ADCY9: variants seen among roughly 807,000 people sequenced by gnomAD.
ADCY9 encodes the protein adenylate cyclase type 9.
In ADCY9, 50 loss-of-function variants were observed where a neutral mutation model predicts 101.5. That is an observed-to-expected ratio of 0.49 (90% CI 0.39 to 0.62). The LOEUF (loss-of-function observed/expected upper bound fraction) is 0.62. Among genes scored for constraint, ADCY9 ranks in the 20% least tolerant of loss-of-function variants. The pLI is 0.00. For synonymous variants in ADCY9, 905 were observed against 769.3 expected, an observed-to-expected ratio of 1.18 and a Z score of -2.92; for missense variants, 1,662 against 1,800.4, an observed-to-expected ratio of 0.92 and a Z score of 1.39.
At chr16:3,995,803 C>T (rs570569900) in intron 3 of ADCY9, among the ~76,000 whole-genome samples, 1 of 152,072 alleles carries the variant, frequency 6.6e-6, no homozygotes, top group Admixed American at 6.6e-5. Context: ...AAAGATTCTA[C>T]AGGGTTGTAT....
chr16:4,026,855 C>T (rs2056519133), intron 2 of ADCY9, among the ~76,000 whole-genome samples: 1 of 152,162 alleles, frequency 6.6e-6, no homozygotes, highest in African/African-American at 2.4e-5. Flanking sequence ...GAACTTAAGG[C>T]CGATTCACCC....
At chr16:3,978,620 G>C (rs12922685) in intron 8 of ADCY9, among the ~76,000 whole-genome samples, 21,643 of 152,312 alleles carry the variant, frequency 0.14, 1,888 homozygotes, top group South Asian at 0.41. Flanking sequence ...CACTGCCCGG[G>C]CGTGAGCATC....
Position 3,992,172 on chromosome 16 carries a change from G to A in ADCY9, c.2181C>T (p.His727=). 6.2e-7 allele frequency: 1 copy of A among 1,614,208 alleles called. No individual in the cohort carries two copies. Among genetic ancestry groups the A allele is most frequent in the South Asian group, 1.1e-5 (1 of 91,086 alleles). Reference sequence around the variant, plus strand: ...TGTCTTCTTTGATAACGTCCACAAAGTGGGCGTCCGTTTTCTCCCGGATGT... The same window carrying A: ...TGTCTTCTTTGATAACGTCCACAAAATGGGCGTCCGTTTTCTCCCGGATGT... ...FKNIREKTDA[H]FVDVIKEDSL... Residue 727 remains histidine, a synonymous_variant, in exon 5 of 11, where the codon CAC becomes CAT. Transcript: ENST00000294016. The surrounding 1 kb of genome is among the most constrained non-coding windows in gnomAD (Gnocchi z 4.2).
Position 4,115,852 on chromosome 16 carries a change from A to C in ADCY9, c.-206T>G. The C allele has an allele frequency of 2.5e-6, 1 of 397,898 alleles. No homozygotes were observed. 24.6% of individuals were successfully genotyped at this position (397,898 alleles called of 1,614,324 possible). On this transcript the variant is annotated 5_prime_UTR_variant, in exon 1 of 11. Coordinates refer to ENST00000294016, the MANE Select transcript of ADCY9 (RefSeq NM_001116.4). The surrounding 1 kb of genome is among the most constrained non-coding windows in gnomAD (Gnocchi z 6.2). ...GCTGCGGCTCCGGAGGGAAGTTCAG[A>C]CCTTGAGCGCTCCCAGCCCCGCGAG...
At chr16:4,086,444 C>T (rs1567142563) in intron 2 of ADCY9, among the ~76,000 whole-genome samples, 1 of 152,052 alleles carries the variant, frequency 6.6e-6, no homozygotes, top group South Asian at 2.1e-4. Flanking sequence ...ACGCTCCGCT[C>T]TGATGACACG....
At chr16:4,039,813 C>T (rs1464465357) in intron 2 of ADCY9, among the ~76,000 whole-genome samples, 3 of 151,898 alleles carry the variant, frequency 2.0e-5, no homozygotes, top group Admixed American at 1.3e-4. Context: ...TCGAGGCAGG[C>T]GGATCGTTTG....
At chr16:4,103,205 C>A (rs8045426) in intron 2 of ADCY9, among the ~76,000 whole-genome samples, 2 of 152,156 alleles carry the variant, frequency 1.3e-5, no homozygotes, top group African/African-American at 2.4e-5. Context: ...CATGAGAATG[C>A]GTGTTTGGGT....
intron 10 of ADCY9, among the ~76,000 whole-genome samples, chr16:3,967,530 C>T (rs957636834): frequency 6.6e-5 from 10 of 151,408 alleles, no homozygotes; most frequent in African/African-American, 2.4e-4. Context: ...GCTGGGATTA[C>T]ACGCATGTAC....
chr16:3,975,861 G>A (rs989787000), intron 9 of ADCY9, among the ~76,000 whole-genome samples: 2 of 152,172 alleles, frequency 1.3e-5, no homozygotes, highest in African/African-American at 4.8e-5. Flanking sequence ...CGAAATATTT[G>A]AATAAATTGT....
intron 5 of ADCY9, among the ~76,000 whole-genome samples, chr16:3,954,214 C>A (rs545923758): frequency 1.3e-5 from 2 of 152,154 alleles, no homozygotes; most frequent in Non-Finnish European, 2.9e-5. Flanking sequence ...CTGAGCTGGC[C>A]GGGGCAGGCT....
At chr16:4,087,857 TTG>T (rs1482027437) in intron 2 of ADCY9, among the ~76,000 whole-genome samples, 2 of 151,394 alleles carry the variant, frequency 1.3e-5, no homozygotes, top group African/African-American at 4.9e-5. Context: ...TCTCTTTTCT[TTG>T]TTTCTCTTTG....
chr16:3,980,544 T>C (rs2056132446), intron 7 of ADCY9, among the ~76,000 whole-genome samples: 1 of 152,160 alleles, frequency 6.6e-6, no homozygotes, highest in African/African-American at 2.4e-5. Flanking sequence ...AAAAAGCCTC[T>C]GGCACAGAGC....
intron 2 of ADCY9, among the ~76,000 whole-genome samples, chr16:4,042,055 C>T (rs963627075): frequency 6.6e-6 from 1 of 151,266 alleles, no homozygotes; most frequent in Admixed American, 6.6e-5. Flanking sequence ...TCCTGAGTAG[C>T]TGGGACTACA....
intron 2 of ADCY9, among the ~76,000 whole-genome samples, chr16:4,113,172 T>TA (rs111589177): frequency 7.7e-4 from 114 of 147,100 alleles, no homozygotes; most frequent in Middle Eastern, 6.8e-3. Context: ...AAACTTTTTT[T>TA]AAAAAAAAAA....
intron 10 of ADCY9, among the ~76,000 whole-genome samples, chr16:3,969,122 T>C (rs2540033): frequency 0.98 from 149,159 of 152,316 alleles, 73,115 homozygotes; most frequent in South Asian, 1. Flanking sequence ...CCGCGCCCAG[T>C]CTCTGCTCCC....
chr16:4,017,637 CCTT>C (rs1276016222), intron 2 of ADCY9, among the ~76,000 whole-genome samples: 1 of 137,750 alleles, frequency 7.3e-6, no homozygotes, highest in African/African-American at 2.8e-5. Context: ...GAGTGAAACT[CCTT>C]CTCAAAAAAA....
intron 3 of ADCY9, among the ~76,000 whole-genome samples, chr16:3,997,684 G>A (rs1373831327): frequency 3.9e-5 from 6 of 152,230 alleles, no homozygotes; most frequent in Non-Finnish European, 8.8e-5. Context: ...TCCGGGAAGT[G>A]GGAGTATGGG....
intron 2 of ADCY9, among the ~76,000 whole-genome samples, chr16:4,040,115 C>T (rs1213428456): frequency 6.6e-6 from 1 of 152,116 alleles, no homozygotes; most frequent in Non-Finnish European, 1.5e-5. Flanking sequence ...ATAAATAACT[C>T]CAATGGCGGC....
At position 4,115,432 on chromosome 16, in the gene ADCY9, G is replaced by A. The variant is rs762248020; in HGVS notation, c.11C>T (p.Pro4Leu). The A allele has an allele frequency of 6.5e-6, 10 of 1,547,914 alleles. No homozygotes were observed. Among genetic ancestry groups the A allele is most frequent in the Admixed American group, 2.0e-5 (1 of 51,002 alleles). MAS[P>L]PHQQLLHHHS... ...GTGATGCAGCAGCTGCTGGTGGGGT[G>A]GGGAAGCCATGTTGTCGAGTCCCGG... Residue 4 changes from proline (P) to leucine (L), a missense_variant, in exon 2 of 11, where the codon CCA becomes CTA. Around this residue, in one of 5 missense-constraint regions of ADCY9, gnomAD observed 422 missense variants for 392.0 expected, o/e 1.08. Coordinates refer to ENST00000294016, the MANE Select transcript of ADCY9 (RefSeq NM_001116.4). This position sits in a 1 kb window ranked among gnomAD's most constrained non-coding sequence, Gnocchi z 6.2.
Sources: gnomAD v4.1 joint callset for allele counts (sites outside exome capture counted in the v4.1 genomes callset) on GRCh38, gnomAD v4.1.1 for gene constraint, gnomAD v4.1.1 regional missense constraint, Gnocchi (gnomAD v3.1) non-coding constraint, MANE v1.5 for transcripts, NCBI Gene and HGNC (gene_info 2026-07-23, HGNC 2026-07-21) for gene names.